The following MEF2A variants were observed in gnomAD, a reference collection of about 807,000 sequenced individuals.
The protein encoded by MEF2A is myocyte enhancer factor 2A, also known as myocyte-specific enhancer factor 2A.
A neutral mutation model predicts 55.8 loss-of-function variants in MEF2A; 28 were observed. The observed-to-expected ratio is 0.50, with a 90% CI of 0.37 to 0.69. The LOEUF (loss-of-function observed/expected upper bound fraction) is 0.69. Among genes scored for constraint, MEF2A ranks in the 30% least tolerant of loss-of-function variants. MEF2A has a pLI of 0.00. For missense variants in MEF2A, 528 were observed against 626.2 expected (o/e 0.84, Z 1.67); for synonymous variants, 239 against 227.1 (o/e 1.05, Z -0.47).
At chr15:99,625,704 A>G (rs1037465587) in intron 2 of MEF2A, among the ~76,000 whole-genome samples, 2 of 152,030 alleles carry the variant, frequency 1.3e-5, no homozygotes, top group Non-Finnish European at 2.9e-5. Flanking sequence ...TATTTTGTCA[A>G]ATCCTTTTTC....
chr15:99,652,223 T>C (rs2046966665), intron 4 of MEF2A, among the ~76,000 whole-genome samples: 1 of 152,016 alleles, frequency 6.6e-6, no homozygotes, highest in Admixed American at 6.6e-5. Context: ...GACAGGGAGA[T>C]GGTTTTGAGA....
intron 1 of MEF2A, among the ~76,000 whole-genome samples, chr15:99,597,276 G>C (rs1971516551): frequency 6.6e-6 from 1 of 152,112 alleles, no homozygotes; most frequent in Admixed American, 6.5e-5. Context: ...CCTGGGGGTG[G>C]GTCTCTGAAC....
intron 1 of MEF2A, among the ~76,000 whole-genome samples, chr15:99,583,199 GATT>G (rs2152877971): frequency 6.6e-6 from 1 of 152,152 alleles, no homozygotes; most frequent in South Asian, 2.1e-4. Flanking sequence ...ATATAGATTA[GATT>G]GGTAGTTGGT....
At chr15:99,623,497 T>A (rs1205169247) in intron 2 of MEF2A, among the ~76,000 whole-genome samples, 1 of 152,244 alleles carries the variant, frequency 6.6e-6, no homozygotes, top group African/African-American at 2.4e-5. Flanking sequence ...ATAGCAGCTG[T>A]ACTATTTTAC....
chr15:99,700,811 A>C (rs1394223717), intron 8 of MEF2A, among the ~76,000 whole-genome samples: 2 of 152,352 alleles, frequency 1.3e-5, no homozygotes, highest in Middle Eastern at 6.8e-3. Context: ...CCAGTGGCCA[A>C]AACTAGAACA....
chr15:99,668,652 C>T (rs574836804), intron 4 of MEF2A, among the ~76,000 whole-genome samples: 2 of 142,648 alleles, frequency 1.4e-5, no homozygotes, highest in East Asian at 4.2e-4. Flanking sequence ...TAGTGGTGAC[C>T]TTTCACACTG....
At chr15:99,602,673 T>C (rs1973594324) in intron 2 of MEF2A, among the ~76,000 whole-genome samples, 1 of 113,550 alleles carries the variant, frequency 8.8e-6, no homozygotes, top group Non-Finnish European at 1.9e-5. Flanking sequence ...TGTGTGTGTG[T>C]GTGTGTGTGT....
intron 4 of MEF2A, among the ~76,000 whole-genome samples, chr15:99,652,865 G>T (rs377661722): frequency 6.6e-5 from 10 of 152,120 alleles, no homozygotes; most frequent in Non-Finnish European, 1.2e-4. Flanking sequence ...GATGTTTGTC[G>T]TACTATGTAC....
intron 2 of MEF2A, among the ~76,000 whole-genome samples, chr15:99,606,227 C>T (rs1412821606): frequency 1.3e-5 from 2 of 151,922 alleles, no homozygotes; most frequent in African/African-American, 2.4e-5. Flanking sequence ...TGTTCCATAC[C>T]ATATGCAAAC....
rs755896449 is a variant in MEF2A at position 99,690,300 on chromosome 15, A to G, written c.730A>G (p.Ser244Gly). The G allele has an allele frequency of 1.5e-5, 25 of 1,613,702 alleles. No individual in the cohort carries two copies. The highest frequency in any genetic ancestry group is 2.0e-5 in the Non-Finnish European group (24 of 1,179,832). ...TTTGATTGGAGCTACTGGTGCAAAT[A>G]GCTTAGGCAAAGTCATGCCTACAAA... The part of the protein sequence containing the change: ...PNLIGATGAN[S>G]LGKVMPTKSP... The change falls in exon 8 of 12, where the codon AGC becomes GGC. Residue 244 changes from serine (S) to glycine (G), a missense_variant. Transcript: ENST00000557942.
chr15:99,630,514 A>G (rs2042781942), intron 2 of MEF2A, among the ~76,000 whole-genome samples: 1 of 152,112 alleles, frequency 6.6e-6, no homozygotes, highest in Non-Finnish European at 1.5e-5. Context: ...TAACACCATT[A>G]TCTGGATCTA....
intron 2 of MEF2A, among the ~76,000 whole-genome samples, chr15:99,611,724 A>G (rs1373434163): frequency 1.3e-5 from 2 of 152,238 alleles, no homozygotes; most frequent in Non-Finnish European, 2.9e-5. Context: ...GTACACCGTT[A>G]TTCATAGCAG....
At chr15:99,700,309 T>C (rs1424426973) in intron 8 of MEF2A, among the ~76,000 whole-genome samples, 1 of 147,172 alleles carries the variant, frequency 6.8e-6, no homozygotes. Flanking sequence ...CTCAGGAGTT[T>C]GAGACCAGCC....
chr15:99,661,973 A>G (rs2048725128), intron 4 of MEF2A, among the ~76,000 whole-genome samples: 1 of 152,066 alleles, frequency 6.6e-6, no homozygotes. Flanking sequence ...ATTCTGTGTA[A>G]CTCTATGGCG....
chr15:99,693,330 AAAGAG>A (rs1188981860), intron 8 of MEF2A, among the ~76,000 whole-genome samples: 1 of 152,170 alleles, frequency 6.6e-6, no homozygotes, highest in African/African-American at 2.4e-5. Context: ...GGACTTCCAA[AAAGAG>A]AAGAGAGAAC....
At chr15:99,668,070 C>G (rs1039063019) in intron 4 of MEF2A, among the ~76,000 whole-genome samples, 1 of 151,574 alleles carries the variant, frequency 6.6e-6, no homozygotes, top group Admixed American at 6.6e-5. Flanking sequence ...AAAAAAAAAA[C>G]TGTTAAAATA....
chr15:99,686,287 T>C (rs1313457040), intron 7 of MEF2A, among the ~76,000 whole-genome samples: 1 of 152,188 alleles, frequency 6.6e-6, no homozygotes, highest in Non-Finnish European at 1.5e-5. Flanking sequence ...GTTGCCTGAA[T>C]ACTTTTTTTT....
At chr15:99,693,412 C>T (rs1301885453) in intron 8 of MEF2A, among the ~76,000 whole-genome samples, 1 of 152,104 alleles carries the variant, frequency 6.6e-6, no homozygotes, top group East Asian at 1.9e-4. Context: ...CCAACACACA[C>T]ATGCACGCAT....
chr15:99,566,181 CG>C (rs1959207318), intron 1 of MEF2A, 77 bp downstream of exon 1: 1 of 71,598 alleles, frequency 1.4e-5, no homozygotes, highest in Non-Finnish European at 2.6e-5. Flanking sequence ...CTTAGGGGAC[CG>C]AGTAGGGGTT....
Sources: gnomAD v4.1 joint callset for allele counts (sites outside exome capture counted in the v4.1 genomes callset) on GRCh38, gnomAD v4.1.1 for gene constraint, MANE v1.5 for transcripts, NCBI Gene and HGNC (gene_info 2026-07-23, HGNC 2026-07-21) for gene names.